The following PTPRA variants were observed in gnomAD, a reference collection of about 807,000 sequenced individuals.
The protein encoded by PTPRA is protein tyrosine phosphatase receptor type A, also known as receptor-type tyrosine-protein phosphatase alpha.
Under a neutral mutation model 104.8 loss-of-function variants are expected in PTPRA, and 25 were observed. That is an observed-to-expected ratio of 0.24 (90% CI 0.17 to 0.33). The LOEUF (loss-of-function observed/expected upper bound fraction) is 0.33, where lower values mean the gene tolerates loss of function less well. PTPRA is among the 10% of genes least tolerant of loss of function. PTPRA has a pLI of 1.00. For synonymous variants in PTPRA, 323 were observed against 368.9 expected (o/e 0.88, Z 1.43); for missense variants, 765 against 1,015.3 (o/e 0.75, Z 3.35).
intron 1 of PTPRA, among the ~76,000 whole-genome samples, chr20:2,898,562 T>G (rs1204812787): frequency 1.3e-5 from 2 of 151,638 alleles, no homozygotes; most frequent in African/African-American, 4.8e-5. Context: ...TTTGGAATAA[T>G]AAGATTTTCT....
chr20:2,914,826 G>T (rs902536231), intron 1 of PTPRA, among the ~76,000 whole-genome samples: 3 of 152,190 alleles, frequency 2.0e-5, no homozygotes, highest in African/African-American at 7.2e-5. Context: ...ATCTGTACTC[G>T]TAGCACTTTT....
intron 22 of PTPRA, among the ~76,000 whole-genome samples, chr20:3,036,168 A>C (rs535044309): frequency 3.9e-5 from 6 of 152,312 alleles, no homozygotes; most frequent in South Asian, 2.1e-4. Context: ...GATAGTGGGC[A>C]GGAGAGCAGC....
intron 6 of PTPRA, among the ~76,000 whole-genome samples, chr20:2,986,527 TAGTC>T (rs1320995293): frequency 6.6e-6 from 1 of 152,204 alleles, no homozygotes; most frequent in Non-Finnish European, 1.5e-5. Context: ...AAATGTATGA[TAGTC>T]AGAGATGGGG....
intron 20 of PTPRA, among the ~76,000 whole-genome samples, chr20:3,030,026 T>C (rs1300813980): frequency 6.6e-6 from 1 of 152,164 alleles, no homozygotes; most frequent in African/African-American, 2.4e-5. Context: ...GGGCCCTACC[T>C]GTGGTTCCTT....
chr20:3,015,762 G>A, intron 11 of PTPRA, 87 bp from the exon 12 acceptor site: 1 of 1,151,218 alleles, frequency 8.7e-7, no homozygotes, highest in Non-Finnish European at 1.3e-6. Context: ...TTCAGGTTTT[G>A]TTAACTGGTT....
chr20:2,981,501 A>G (rs1568681038), intron 6 of PTPRA, among the ~76,000 whole-genome samples: 2 of 152,238 alleles, frequency 1.3e-5, no homozygotes, highest in Non-Finnish European at 2.9e-5. Flanking sequence ...TAAATGTCCT[A>G]CAGTGCACAT....
chr20:2,964,041 T>TA (rs1261972682), intron 3 of PTPRA, among the ~76,000 whole-genome samples: 5 of 151,928 alleles, frequency 3.3e-5, no homozygotes, highest in Non-Finnish European at 7.4e-5. Context: ...CCCTATCTCT[T>TA]AAAAAAAATC....
At chr20:3,001,086 G>T (rs560455077) in intron 9 of PTPRA, among the ~76,000 whole-genome samples, 26 of 152,202 alleles carry the variant, frequency 1.7e-4, no homozygotes, top group Admixed American at 6.5e-5. Flanking sequence ...GAGATGAAAC[G>T]GTCTTCGATG....
In PTPRA at chr20:2,927,700, T is replaced by C. The variant is rs576162316; in HGVS notation, c.-50+4415T>C. Among the ~76,000 whole-genome samples the C allele has an allele frequency of 4.6e-5, 7 of 152,278 alleles. No homozygotes were observed. In the East Asian group the frequency reaches 1.4e-3, roughly 29 times the overall value. ...GATCTTGGATATCAGTCTTTCTTTG[T>C]ATTTGTTTTTTAAATCTTACTAGAG... On this transcript the variant is annotated intron_variant, in intron 2 of 23. Transcript: ENST00000399903.
intron 2 of PTPRA, among the ~76,000 whole-genome samples, chr20:2,924,571 C>T (rs551833812): frequency 5.3e-5 from 8 of 152,154 alleles, no homozygotes; most frequent in African/African-American, 1.2e-4. Flanking sequence ...GCAGAATTAC[C>T]GAGTAAAACT....
intron 6 of PTPRA, among the ~76,000 whole-genome samples, chr20:2,979,958 G>A (rs1245951911): frequency 1.3e-5 from 2 of 152,092 alleles, no homozygotes; most frequent in Non-Finnish European, 2.9e-5. Context: ...TGTTGCCCAA[G>A]CTGGTGTGCA....
At position 3,021,400 on chromosome 20, in the gene PTPRA, A is replaced by G; in HGVS notation, c.1133A>G (p.Tyr378Cys). The G allele has an allele frequency of 1.9e-6, 3 of 1,614,092 alleles. No individual in the cohort carries two copies. Among genetic ancestry groups the G allele is most frequent in the Non-Finnish European group, 1.7e-6 (2 of 1,179,960 alleles). ...SVEDVTVLVDYTVRKFCIQQV... is the reference protein window; with the variant it reads ...SVEDVTVLVDCTVRKFCIQQV... ...GAGGATGTGACTGTCCTGGTGGACT[A>G]CACAGTACGGAAGTTCTGCATCCAG... is the stretch of plus-strand genomic sequence containing the variant. Residue 378 changes from tyrosine to cysteine, a missense_variant, in exon 14 of 24, where the codon TAC becomes TGC. Transcript: ENST00000399903.
At chr20:2,979,573 C>G (rs2062585012) in intron 6 of PTPRA, among the ~76,000 whole-genome samples, 1 of 152,220 alleles carries the variant, frequency 6.6e-6, no homozygotes, top group Admixed American at 6.5e-5. Flanking sequence ...GTCGCCCAGG[C>G]TGGAGTGCAG....
intron 1 of PTPRA, among the ~76,000 whole-genome samples, chr20:2,886,642 C>T (rs1444454156): frequency 6.7e-6 from 1 of 149,344 alleles, no homozygotes; most frequent in Admixed American, 6.7e-5. Flanking sequence ...GTTGGGAGTT[C>T]GAGACCAGCC....
At chr20:2,945,611 G>GAAA (rs2061098797) in intron 2 of PTPRA, among the ~76,000 whole-genome samples, 2 of 129,136 alleles carry the variant, frequency 1.5e-5, no homozygotes, top group South Asian at 5.1e-4. Context: ...GTGTGTGTGT[G>GAAA]TAAATAAATA....
chr20:2,891,186 C>T (rs1170969636), intron 1 of PTPRA, among the ~76,000 whole-genome samples: 1 of 152,194 alleles, frequency 6.6e-6, no homozygotes, highest in African/African-American at 2.4e-5. Context: ...TCTCCTATCC[C>T]TTAATTCAGG....
At chr20:3,011,278 A>G (rs2064157008) in intron 11 of PTPRA, among the ~76,000 whole-genome samples, 2 of 152,250 alleles carry the variant, frequency 1.3e-5, no homozygotes, top group South Asian at 4.1e-4. Context: ...AGTGGGAAGC[A>G]GGGATTAAAG....
chr20:2,922,428 C>T (rs961560857), intron 1 of PTPRA, among the ~76,000 whole-genome samples: 1 of 152,192 alleles, frequency 6.6e-6, no homozygotes, highest in Admixed American at 6.5e-5. Context: ...CAACCTCCCC[C>T]TCCTGGGTTC....
intron 5 of PTPRA, among the ~76,000 whole-genome samples, chr20:2,968,560 ATCTTTAAAATTTTT>A: frequency 6.7e-6 from 1 of 148,390 alleles, no homozygotes; most frequent in East Asian, 2.0e-4. Context: ...TAATTCTTTA[ATCTTTAAAATTTTT>A]CCTTTCTGTT....
Sources: gnomAD v4.1 joint callset for allele counts (sites outside exome capture counted in the v4.1 genomes callset) on GRCh38, gnomAD v4.1.1 for gene constraint, MANE v1.5 for transcripts, NCBI Gene and HGNC (gene_info 2026-07-23, HGNC 2026-07-21) for gene names.